Variants in COL18A1 observed in about 807,000 individuals in gnomAD.
COL18A1 encodes the protein collagen type XVIII alpha 1 chain, also known as collagen alpha-1(XVIII) chain.
COL18A1 carries 133 observed loss-of-function variants against 168.0 expected under a neutral mutation model. That is an observed-to-expected ratio of 0.79 (90% CI 0.69 to 0.91). COL18A1 has a LOEUF of 0.91. Ranked by LOEUF, COL18A1 falls within the 40% of genes least tolerant of loss-of-function variation. COL18A1 has a pLI of 0.00. For synonymous variants in COL18A1, 949 were observed against 809.0 expected, an observed-to-expected ratio of 1.17 and a Z score of -2.94; for missense variants, 2,126 against 1,925.4, an observed-to-expected ratio of 1.10 and a Z score of -1.95.
At position 45,487,430 on chromosome 21, in the gene COL18A1, T is replaced by C. The variant is rs2145967102; in HGVS notation, c.1834-17T>C. 6.2e-7 allele frequency: 1 copy of C among 1,612,234 alleles called. No individual in the cohort carries two copies. Among genetic ancestry groups the C allele is most frequent in the Non-Finnish European group, 8.5e-7 (1 of 1,179,842 alleles). On this transcript the variant is annotated splice_polypyrimidine_tract_variant and intron_variant, in intron 16 of 41. Coordinates refer to ENST00000651438, the MANE Select transcript of COL18A1 (RefSeq NM_001379500.1). ...GAAGGGACACAGGCCCCTACGTGTC[T>C]CGTGTGTCTCTTCCAGGATGACATG...
intron 14 of COL18A1, among the ~76,000 whole-genome samples, chr21:45,482,562 C>T (rs1393989206): frequency 6.6e-6 from 1 of 152,210 alleles, no homozygotes; most frequent in African/African-American, 2.4e-5. Context: ...CCACGTGTAG[C>T]CAGGTCCAGC....
At chr21:45,475,209 A>G (rs143986276) in intron 4 of COL18A1, among the ~76,000 whole-genome samples, 249 of 152,242 alleles carry the variant, frequency 1.6e-3, no homozygotes, top group African/African-American at 5.5e-3. Context: ...CCGCCTCCGC[A>G]TGTCTGACCA....
At position 45,504,276 on chromosome 21, in the gene COL18A1, C is replaced by T. The variant is rs1007807865; in HGVS notation, c.2728-140C>T. 1.3e-5 allele frequency: 12 copies of T among 930,954 alleles called. No homozygotes were observed. The African/African-American group carries it at 1.8e-4, about 14-fold the overall frequency. 57.7% of individuals were successfully genotyped at this position (930,954 alleles called of 1,614,324 possible). A position where few individuals can be genotyped will look rare whatever the true frequency, so the allele number is the denominator to read the frequency against. On this transcript the variant is annotated intron_variant, in intron 33 of 41. Coordinates refer to ENST00000651438, the MANE Select transcript of COL18A1 (RefSeq NM_001379500.1). ...ATGCAGTGGGAGGTGGGGAGTCGAG[C>T]CCTATTCTATGCAGCCAGCAGCTCC...
intron 2 of COL18A1, among the ~76,000 whole-genome samples, chr21:45,431,115 C>T (rs1290162816): frequency 2.6e-5 from 4 of 152,114 alleles, no homozygotes; most frequent in African/African-American, 7.2e-5. Flanking sequence ...GGGAGGAGGT[C>T]GCATTCCATT....
chr21:45,500,859 TGTG>T (rs780486447), intron 32 of COL18A1, among the ~76,000 whole-genome samples: 30 of 19,516 alleles, frequency 1.5e-3, no homozygotes, highest in South Asian at 3.1e-3. Context: ...GGGTGTGTAG[TGTG>T]GGGGTGTGGT....
Position 45,468,797 on chromosome 21 carries a change from C to G in COL18A1, c.651+11C>G. The stretch of plus-strand genomic sequence containing the variant: ...CCTGACAAGTTCCAGGTAACCCCCA[C>G]TGTGCCGTCGCTGGGGGACTGGAGC... On this transcript the variant is annotated intron_variant, in intron 3 of 41. Transcript: ENST00000651438. 7.0e-7 allele frequency: 1 copy of G among 1,437,756 alleles called. No individual in the cohort carries two copies. Among genetic ancestry groups the G allele is most frequent in the Non-Finnish European group, 9.3e-7 (1 of 1,073,452 alleles). The allele number at this position is 1,437,756 out of a possible 1,614,324, so 89.1% of individuals were successfully genotyped here. A position where few individuals can be genotyped will look rare whatever the true frequency, so the allele number is the denominator to read the frequency against.
At chr21:45,508,499 ATGGTGGG>A (rs1476584912) in intron 38 of COL18A1, among the ~76,000 whole-genome samples, 22 of 141,142 alleles carry the variant, frequency 1.6e-4, no homozygotes, top group African/African-American at 5.7e-4. Context: ...GGGTGGATGG[ATGGTGGG>A]TAAGTGGGTT....
chr21:45,456,829 C>T, intron 2 of COL18A1: 1 of 1,520,378 alleles, frequency 6.6e-7, no homozygotes, highest in Non-Finnish European at 8.8e-7. Context: ...TCGCCTGTGC[C>T]TCGCTCCCGA....
Position 45,455,674 on chromosome 21 carries a change from C to T in COL18A1, c.107-12568C>T. On this transcript the variant is annotated intron_variant, in intron 2 of 41. Transcript: ENST00000651438. ...ATGCAGCTACCACGATCCCTGAGCC[C>T]CAGGGGCCCCTGCCTGTGCAGCCCA... 6.2e-7 allele frequency: 1 copy of T among 1,613,878 alleles called. No individual in the cohort carries two copies. Among genetic ancestry groups the T allele is most frequent in the South Asian group, 1.1e-5 (1 of 91,086 alleles).
intron 3 of COL18A1, among the ~76,000 whole-genome samples, chr21:45,470,425 CT>C (rs1195744330): frequency 0.12 from 4,559 of 37,072 alleles, 134 homozygotes; most frequent in East Asian, 0.23. Flanking sequence ...TTTACCTTGT[CT>C]TTTTTTTTTT....
chr21:45,507,382 G>A (rs2037276390), intron 37 of COL18A1, 179 bp from the exon 38 acceptor site: 7 of 667,640 alleles, frequency 1.0e-5, no homozygotes, highest in Non-Finnish European at 1.9e-5. Context: ...AGGGCCGGGT[G>A]CTGGGCAGGG....
At position 45,423,906 on chromosome 21, in the gene COL18A1, G is replaced by T. The variant is rs1274861931; in HGVS notation, c.106+18433G>T. On this transcript the variant is annotated intron_variant, in intron 2 of 41. Transcript: ENST00000651438. The surrounding 1 kb of genome is among the most constrained non-coding windows in gnomAD (Gnocchi z 4.0). The stretch of plus-strand genomic sequence containing the variant: ...CTGACGCACTCAGCTGCTCGCCCAG[G>T]GCCCTCCTGTTGGGCATTTGGATTT... 6.6e-6 allele frequency: 1 copy of T among 152,286 alleles called. No individual in the cohort carries two copies. Among genetic ancestry groups the T allele is most frequent in the Non-Finnish European group, 1.5e-5 (1 of 68,102 alleles). The allele number at this position is 152,286 out of a possible 1,614,324, so 9.4% of individuals were successfully genotyped here. A position where few individuals can be genotyped will look rare whatever the true frequency, so the allele number is the denominator to read the frequency against.
At chr21:45,467,376 TG>T in intron 2 of COL18A1, 2 of 985,344 alleles carry the variant, frequency 2.0e-6, no homozygotes, top group Non-Finnish European at 2.4e-6. Flanking sequence ...GTGGGGCATT[TG>T]CACGGAGCAG....
intron 2 of COL18A1, among the ~76,000 whole-genome samples, chr21:45,408,761 C>T (rs890867142): frequency 6.6e-6 from 1 of 152,076 alleles, no homozygotes; most frequent in Non-Finnish European, 1.5e-5. Context: ...GTGCCTGCTT[C>T]TGCTCAGGAA....
chr21:45,501,463 C>A (rs1353896465), intron 32 of COL18A1, among the ~76,000 whole-genome samples: 1 of 152,118 alleles, frequency 6.6e-6, no homozygotes, highest in Non-Finnish European at 1.5e-5. Flanking sequence ...TGTGACCCCA[C>A]GAGTGCAGTA....
chr21:45,463,116 C>T lies in COL18A1; in HGVS notation c.107-5126C>T, dbSNP rs969763162. ...TAAAAATGAGGGAGAAAAAACAGTG[C>T]CAGCCCTCTAAATCCCCTTCAAGTC... On this transcript the variant is annotated intron_variant, in intron 2 of 41. Transcript: ENST00000651438. This position sits in a 1 kb window ranked among gnomAD's most constrained non-coding sequence, Gnocchi z 4.0. Among the ~76,000 whole-genome samples, 1 of 152,220 alleles carries T rather than the reference C, an allele frequency of 6.6e-6. No homozygotes were observed. The highest frequency in any genetic ancestry group is 1.5e-5 in the Non-Finnish European group (1 of 68,050).
chr21:45,467,295 C>T, intron 2 of COL18A1: 2 of 985,438 alleles, frequency 2.0e-6, no homozygotes, highest in African/African-American at 1.7e-5. Flanking sequence ...CCTTCTGACC[C>T]TGGGCTACTG....
At position 45,505,333 on chromosome 21, in the gene COL18A1, T is replaced by G. The variant is rs76770345; in HGVS notation, c.3014-25T>G. ...GAGGCCGCCTCGTGTGGCTTCGTGT[T>G]CCCACCTTGGTTTCTCTCCTGCAGC... On this transcript the variant is annotated intron_variant, in intron 35 of 41. Transcript: ENST00000651438. 2.7e-4 allele frequency: 424 copies of G among 1,595,686 alleles called. 3 individuals carry two copies. The East Asian group carries it at 9.5e-3, about 36-fold the overall frequency.
chr21:45,432,092 T>C (rs2033979765), intron 2 of COL18A1, among the ~76,000 whole-genome samples: 1 of 152,190 alleles, frequency 6.6e-6, no homozygotes, highest in South Asian at 2.1e-4. Flanking sequence ...CTGGCCTCCT[T>C]CCAGCACTTT....
Sources: allele counts gnomAD v4.1 joint callset (sites outside exome capture counted in the v4.1 genomes callset), GRCh38; gene constraint gnomAD v4.1.1; non-coding constraint Gnocchi (gnomAD v3.1); transcripts MANE v1.5; gene names NCBI Gene and HGNC (gene_info 2026-07-23, HGNC 2026-07-21).